The following DLGAP2 variants were observed in gnomAD, a reference collection of about 807,000 sequenced individuals.
DLGAP2 encodes disks large-associated protein 2.
DLGAP2 carries 26 observed loss-of-function variants against 100.3 expected under a neutral mutation model. The observed-to-expected ratio is 0.26, with a 90% CI of 0.19 to 0.36. DLGAP2 has a LOEUF of 0.36. Among genes scored for constraint, DLGAP2 ranks in the 10% least tolerant of loss-of-function variants. The pLI, the probability that DLGAP2 is intolerant of heterozygous loss-of-function variation, is 1.00. For missense variants in DLGAP2, 1,858 were observed against 1,453.2 expected (o/e 1.28, Z -4.53); for synonymous variants, 886 against 630.1 (o/e 1.41, Z -6.08).
chr8:811,658 GGCC>G, intron 1 of DLGAP2, among the ~76,000 whole-genome samples: 2 of 150,078 alleles, frequency 1.3e-5, no homozygotes. Flanking sequence ...CTATCTGGGG[GGCC>G]CTGCCAGGGC....
chr8:961,725 G>A (rs1015988794), intron 2 of DLGAP2, among the ~76,000 whole-genome samples: 1 of 152,124 alleles, frequency 6.6e-6, no homozygotes, highest in Admixed American at 6.6e-5. Context: ...TGAAAATTAT[G>A]GGAGATATGA....
At chr8:1,604,712 C>T (rs1267884874) in intron 6 of DLGAP2, 1 of 152,090 alleles carries the variant, frequency 6.6e-6, no homozygotes, top group African/African-American at 2.4e-5. Flanking sequence ...CAAAACCATC[C>T]AATGAATGTC....
chr8:1,225,744 CAGTT>C (rs1252827816), intron 2 of DLGAP2, among the ~76,000 whole-genome samples: 10 of 152,140 alleles, frequency 6.6e-5, no homozygotes, highest in Admixed American at 5.9e-4. Flanking sequence ...CAGAACATCT[CAGTT>C]AGACTGAAGG....
At chr8:1,502,298 T>C (rs1799749560) in intron 4 of DLGAP2, among the ~76,000 whole-genome samples, 1 of 152,258 alleles carries the variant, frequency 6.6e-6, no homozygotes, top group Non-Finnish European at 1.5e-5. Flanking sequence ...TATTTAAATG[T>C]ACATTTTTAA....
At chr8:1,206,036 G>C (rs1797982720) in intron 2 of DLGAP2, among the ~76,000 whole-genome samples, 1 of 152,134 alleles carries the variant, frequency 6.6e-6, no homozygotes, top group African/African-American at 2.4e-5. Flanking sequence ...AGCAAATCAA[G>C]CAGGAAGTTC....
At chr8:895,083 G>A (rs1798119404) in intron 1 of DLGAP2, among the ~76,000 whole-genome samples, 2 of 150,740 alleles carry the variant, frequency 1.3e-5, no homozygotes, top group African/African-American at 4.9e-5. Flanking sequence ...GGGCTGGTGG[G>A]CTCTGGAGGC....
At chr8:1,215,008 C>T (rs1347976672) in intron 2 of DLGAP2, among the ~76,000 whole-genome samples, 2 of 152,146 alleles carry the variant, frequency 1.3e-5, no homozygotes, top group African/African-American at 4.8e-5. Flanking sequence ...TATCTCACTG[C>T]CCACTTCTGT....
rs1799543894 is a variant in DLGAP2 at position 1,269,865 on chromosome 8, G to A, written c.106+10982G>A. Among the ~76,000 whole-genome samples, 3 of 152,252 alleles carry A rather than the reference G, an allele frequency of 2.0e-5. No individual in the cohort carries two copies. The South Asian group carries it at 6.2e-4, about 32-fold the overall frequency. ...GCGCCAGAAGCCCTGGAACCAAAAA[G>A]GGAAACTCGCTGAGTGACTCATTTT... On this transcript the variant is annotated intron_variant, in intron 3 of 14. Transcript: ENST00000637795.
intron 3 of DLGAP2, among the ~76,000 whole-genome samples, chr8:1,427,892 C>G (rs940945269): frequency 6.6e-6 from 1 of 152,142 alleles, no homozygotes; most frequent in Non-Finnish European, 1.5e-5. Flanking sequence ...CTCCATAATT[C>G]ATAACTTAAC....
At chr8:1,357,987 G>C (rs1292322412) in intron 3 of DLGAP2, among the ~76,000 whole-genome samples, 2 of 152,160 alleles carry the variant, frequency 1.3e-5, no homozygotes, top group Non-Finnish European at 2.9e-5. Context: ...TCGACTTAGA[G>C]AGCTGTCTCA....
chr8:1,678,572 G>A lies in DLGAP2; in HGVS notation c.2647G>A (p.Glu883Lys). ...GCTGCACGCAGAGACAAAGAGGATG[G>A]AAGGCTGGTGCAAAGAGATGGAGAG... ...KLLHAETKRM[E>K]GWCKEMEREA... The change falls in exon 12 of 15, where the codon GAA becomes AAA. Residue 883 changes from glutamate to lysine, a missense_variant. By Grantham distance (56) the Glu-to-Lys change is moderately conservative (BLOSUM62 1). Coordinates refer to ENST00000637795, the MANE Select transcript of DLGAP2 (RefSeq NM_001346810.2). 3.8e-6 allele frequency: 6 copies of A among 1,582,932 alleles called. No individual in the cohort carries two copies. The highest frequency in any genetic ancestry group is 5.2e-6 in the Non-Finnish European group (6 of 1,164,854).
At chr8:1,411,105 A>G (rs1796718266) in intron 3 of DLGAP2, among the ~76,000 whole-genome samples, 2 of 152,152 alleles carry the variant, frequency 1.3e-5, no homozygotes, top group Admixed American at 1.3e-4. Flanking sequence ...CCTTTCAGGT[A>G]TTCAGTCGTG....
intron 1 of DLGAP2, among the ~76,000 whole-genome samples, chr8:829,173 A>G (rs10088467): frequency 0.23 from 35,636 of 152,158 alleles, 4,619 homozygotes; most frequent in Non-Finnish European, 0.3. Flanking sequence ...GATAACTGAC[A>G]TTGCCTGTTA....
intron 4 of DLGAP2, among the ~76,000 whole-genome samples, chr8:1,505,570 T>C (rs1277613980): frequency 6.6e-6 from 1 of 152,224 alleles, no homozygotes; most frequent in African/African-American, 2.4e-5. Flanking sequence ...GTATGAAAAG[T>C]AATTTTATGA....
At chr8:1,680,137 A>C (rs1694967508) in intron 12 of DLGAP2, among the ~76,000 whole-genome samples, 1 of 152,216 alleles carries the variant, frequency 6.6e-6, no homozygotes, top group South Asian at 2.1e-4. Context: ...AACACAGTAC[A>C]ATTTCACAAA....
At chr8:1,374,571 C>T (rs1248689532) in intron 3 of DLGAP2, among the ~76,000 whole-genome samples, 3 of 152,154 alleles carry the variant, frequency 2.0e-5, no homozygotes, top group Non-Finnish European at 4.4e-5. Context: ...TTATGATTCT[C>T]TGAAAATTAA....
chr8:1,275,898 A>T (rs1799679373), intron 3 of DLGAP2, among the ~76,000 whole-genome samples: 1 of 126,206 alleles, frequency 7.9e-6, no homozygotes, highest in Admixed American at 9.6e-5. Flanking sequence ...TATAATATAT[A>T]AATATATATA....
At chr8:995,784 G>C (rs1424038402) in intron 2 of DLGAP2, among the ~76,000 whole-genome samples, 2 of 152,138 alleles carry the variant, frequency 1.3e-5, no homozygotes, top group Non-Finnish European at 2.9e-5. Context: ...CCATAAATTA[G>C]GTTCCCCCTG....
At chr8:1,149,529 G>C (rs1232060453) in intron 2 of DLGAP2, among the ~76,000 whole-genome samples, 2 of 151,956 alleles carry the variant, frequency 1.3e-5, no homozygotes, top group Non-Finnish European at 2.9e-5. Flanking sequence ...GTTTTCTTTG[G>C]GTTAATATTT....
Sources: allele counts gnomAD v4.1 joint callset (sites outside exome capture counted in the v4.1 genomes callset), GRCh38; gene constraint gnomAD v4.1.1; transcripts MANE v1.5; gene names NCBI Gene and HGNC (gene_info 2026-07-23, HGNC 2026-07-21).